CYRIB: variants seen among roughly 807,000 people sequenced by gnomAD.
CYRIB encodes CYFIP related Rac1 interactor B, also known as CYFIP-related Rac1 interactor B.
A neutral mutation model predicts 44.2 loss-of-function variants in CYRIB; 8 were observed. That is an observed-to-expected ratio of 0.18 (90% CI 0.11 to 0.33). The LOEUF is 0.33. Among genes scored for constraint, CYRIB ranks in the 10% least tolerant of loss-of-function variants. The probability of loss-of-function intolerance (pLI) is 1.00; values close to 1 mark genes in which losing one functional copy is unlikely to be tolerated. For missense variants in CYRIB, 185 were observed against 382.8 expected (o/e 0.48, Z 4.31); for synonymous variants, 131 against 127.2 (o/e 1.03, Z -0.20).
At chr8:129,881,336 A>G (rs79007728) in intron 2 of CYRIB, among the ~76,000 whole-genome samples, 3 of 152,128 alleles carry the variant, frequency 2.0e-5, no homozygotes, top group Non-Finnish European at 2.9e-5. Flanking sequence ...TTTTCCTCCA[A>G]TTGCTATGTG....
At chr8:129,861,864 T>C (rs780298080) in intron 5 of CYRIB, among the ~76,000 whole-genome samples, 2 of 152,188 alleles carry the variant, frequency 1.3e-5, no homozygotes, top group Admixed American at 6.5e-5. Context: ...GAGAAATCAC[T>C]TGGTAGAATC....
chr8:129,841,227 T>C (rs1444922609), exon 12 of CYRIB: 1 of 152,206 alleles, frequency 6.6e-6, no homozygotes, highest in Non-Finnish European at 1.5e-5. Flanking sequence ...ACTACATCCA[T>C]ACAAGAGTAA....
At chr8:129,866,820 T>C (rs2132747955) in intron 4 of CYRIB, among the ~76,000 whole-genome samples, 1 of 152,320 alleles carries the variant, frequency 6.6e-6, no homozygotes, top group South Asian at 2.1e-4. Context: ...GGCTGCTCTC[T>C]TATAATAAAC....
intron 1 of CYRIB, among the ~76,000 whole-genome samples, chr8:130,009,611 C>A (rs538393499): frequency 1.3e-5 from 2 of 152,254 alleles, no homozygotes; most frequent in African/African-American, 4.8e-5. Context: ...AAATTCAGAT[C>A]CCATCTCTGC....
chr8:129,878,150 C>T (rs576169619), intron 3 of CYRIB, among the ~76,000 whole-genome samples: 83 of 152,274 alleles, frequency 5.5e-4, no homozygotes, highest in Non-Finnish European at 9.3e-4. Context: ...AACCCAATTT[C>T]CCCTGAAACC....
chr8:129,968,644 C>T lies in CYRIB; in HGVS notation c.-243+2299G>A, dbSNP rs545524589. ...GTTCGCAGTAGAGGTTTCCATGGTA[C>T]TAGACCAGTTCTTACGTTAATTTTT... On this transcript the variant is annotated intron_variant, in intron 2 of 14. Coordinates refer to the CYRIB transcript ENST00000401979. 1.6e-3 allele frequency among the ~76,000 whole-genome samples: 241 copies of T among 152,274 alleles called. 2 individuals are homozygous for T. The highest frequency in any genetic ancestry group is 2.9e-3 in the Non-Finnish European group (197 of 68,030).
chr8:129,898,581 A>T (rs1270488684), intron 2 of CYRIB, among the ~76,000 whole-genome samples: 1 of 152,248 alleles, frequency 6.6e-6, no homozygotes, highest in Non-Finnish European at 1.5e-5. Context: ...GAAATTACAA[A>T]AGGCACAAAT....
intron 2 of CYRIB, among the ~76,000 whole-genome samples, chr8:129,962,255 A>G (rs973338281): frequency 3.3e-5 from 5 of 151,972 alleles, no homozygotes; most frequent in African/African-American, 1.2e-4. Context: ...AAAAAAAGAA[A>G]GAAAGAAAGA....
chr8:129,839,777 T>G (rs1051403158), exon 12 of CYRIB: 3 of 152,238 alleles, frequency 2.0e-5, no homozygotes, highest in Non-Finnish European at 4.4e-5. Flanking sequence ...GCCCCTGGGC[T>G]TAAGAGATCT....
upstream of CYRIB, among the ~76,000 whole-genome samples, chr8:129,942,528 T>G (rs980818105): frequency 2.0e-5 from 3 of 152,208 alleles, no homozygotes; most frequent in Non-Finnish European, 4.4e-5. Context: ...AAGACTCCTA[T>G]AAGAAGTGCT....
At chr8:129,925,921 A>C (rs915267976) in intron 1 of CYRIB, among the ~76,000 whole-genome samples, 1 of 152,202 alleles carries the variant, frequency 6.6e-6, no homozygotes, top group African/African-American at 2.4e-5. Context: ...GGGTTAAAAA[A>C]CGTTTCCAAT....
At chr8:129,917,634 G>A (rs148989998) in intron 1 of CYRIB, among the ~76,000 whole-genome samples, 16 of 152,198 alleles carry the variant, frequency 1.1e-4, no homozygotes, top group East Asian at 5.8e-4. Context: ...CAAGGCGGGC[G>A]GATCATGAGG....
chr8:129,876,168 A>G (rs1418096933), intron 3 of CYRIB, among the ~76,000 whole-genome samples: 2 of 151,976 alleles, frequency 1.3e-5, no homozygotes, highest in South Asian at 2.1e-4. Context: ...CCTGCCATTT[A>G]AAGTTAGTAT....
At chr8:129,851,055 ACT>A in intron 8 of CYRIB, 141 bp from the exon 11 acceptor site, 1 of 614,572 alleles carries the variant, frequency 1.6e-6, no homozygotes, top group Non-Finnish European at 2.9e-6. Flanking sequence ...AATGCACTAG[ACT>A]CTAAGCAACT....
At chr8:129,888,948 C>T (rs2063900739) in intron 2 of CYRIB, among the ~76,000 whole-genome samples, 1 of 152,020 alleles carries the variant, frequency 6.6e-6, no homozygotes, top group Admixed American at 6.6e-5. Flanking sequence ...CAAAAATTAG[C>T]TGGGCAGGGT....
At chr8:129,939,842 G>C (rs896794106), upstream of CYRIB, 8 of 152,448 alleles carry the variant, frequency 5.2e-5, no homozygotes, top group African/African-American at 7.2e-5. Context: ...CGGGGAGGGG[G>C]AGGAGGGAAT....
At chr8:129,901,120 A>G (rs924723193) in intron 2 of CYRIB, among the ~76,000 whole-genome samples, 1 of 152,186 alleles carries the variant, frequency 6.6e-6, no homozygotes, top group African/African-American at 2.4e-5. Flanking sequence ...CACCTGGCTA[A>G]TTTTTTGTAT....
chr8:129,905,146 T>G, intron 1 of CYRIB, among the ~76,000 whole-genome samples: 1 of 152,198 alleles, frequency 6.6e-6, no homozygotes, highest in East Asian at 1.9e-4. Flanking sequence ...GTCTACAATT[T>G]ATTTTTTAAT....
chr8:129,899,520 A>G (rs1311863707), intron 2 of CYRIB, among the ~76,000 whole-genome samples: 1 of 152,246 alleles, frequency 6.6e-6, no homozygotes, highest in Non-Finnish European at 1.5e-5. Context: ...TTCACAAAGC[A>G]TATAAAAAGG....
Sources: allele counts gnomAD v4.1 joint callset (sites outside exome capture counted in the v4.1 genomes callset), GRCh38; gene constraint gnomAD v4.1.1; transcripts MANE v1.5; gene names NCBI Gene and HGNC (gene_info 2026-07-23, HGNC 2026-07-21).